The following TSGA10 variants were observed in gnomAD, a reference collection of about 807,000 sequenced individuals.
TSGA10 encodes the protein testis-specific gene 10 protein.
Under a neutral mutation model 96.6 loss-of-function variants are expected in TSGA10, and 43 were observed. The ratio of observed to expected loss-of-function variants is 0.44; its 90% CI spans 0.35 to 0.57. The LOEUF is 0.57. Ranked by LOEUF, TSGA10 falls within the 20% of genes least tolerant of loss-of-function variation. The pLI is 0.01. For missense variants in TSGA10, 703 were observed against 834.4 expected (o/e 0.84, Z 1.94); for synonymous variants, 229 against 269.9 (o/e 0.85, Z 1.48).
At chr2:99,007,111 G>A (rs1222068250) in intron 20 of TSGA10, among the ~76,000 whole-genome samples, 1 of 151,590 alleles carries the variant, frequency 6.6e-6, no homozygotes, top group Non-Finnish European at 1.5e-5. Flanking sequence ...TTGGACACAG[G>A]AAGGGGAGCA....
intron 16 of TSGA10, among the ~76,000 whole-genome samples, chr2:99,054,287 C>G (rs144960479): frequency 5.3e-5 from 8 of 152,212 alleles, no homozygotes; most frequent in African/African-American, 1.9e-4. Flanking sequence ...AGGACGATCT[C>G]TGCAAATGAT....
chr2:99,071,516 C>A (rs980442584), intron 14 of TSGA10, among the ~76,000 whole-genome samples, 190 bp downstream of exon 14: 1 of 151,864 alleles, frequency 6.6e-6, no homozygotes, highest in African/African-American at 2.4e-5. Context: ...TCTCTCTTTT[C>A]TTTAATATTT....
At chr2:99,042,748 G>A (rs1003269021) in intron 16 of TSGA10, among the ~76,000 whole-genome samples, 1 of 151,616 alleles carries the variant, frequency 6.6e-6, no homozygotes, top group Non-Finnish European at 1.5e-5. Context: ...TTGTGGCCCA[G>A]GCTGGAGTGT....
chr2:99,111,141 GTTAA>G (rs1444369908), intron 4 of TSGA10, among the ~76,000 whole-genome samples: 1 of 152,016 alleles, frequency 6.6e-6, no homozygotes, highest in Non-Finnish European at 1.5e-5. Context: ...TGTATAAAAT[GTTAA>G]TTGATTGTAT....
chr2:99,004,093 C>G (rs1244824832), intron 20 of TSGA10, among the ~76,000 whole-genome samples: 2 of 152,010 alleles, frequency 1.3e-5, no homozygotes, highest in Non-Finnish European at 2.9e-5. Flanking sequence ...CAAATAGATG[C>G]AATAAAAAAT....
chr2:99,062,488 C>CT (rs1219272632), intron 16 of TSGA10, among the ~76,000 whole-genome samples: 2 of 152,166 alleles, frequency 1.3e-5, no homozygotes, highest in African/African-American at 4.8e-5. Context: ...CTAATCCTAG[C>CT]ACTTTGGGAG....
chr2:99,028,932 T>C (rs1020049955), intron 17 of TSGA10, among the ~76,000 whole-genome samples: 4 of 152,196 alleles, frequency 2.6e-5, no homozygotes, highest in African/African-American at 9.7e-5. Flanking sequence ...GTAAAAAAAT[T>C]TTCCATGTTG....
At chr2:99,051,036 G>T (rs1436120676) in intron 16 of TSGA10, among the ~76,000 whole-genome samples, 1 of 152,148 alleles carries the variant, frequency 6.6e-6, no homozygotes, top group African/African-American at 2.4e-5. Context: ...TAGGTGTTAG[G>T]AGATTAAACC....
At chr2:99,046,455 C>A (rs1456691137) in intron 16 of TSGA10, among the ~76,000 whole-genome samples, 3 of 152,150 alleles carry the variant, frequency 2.0e-5, no homozygotes, top group Admixed American at 1.3e-4. Flanking sequence ...AACTGAACAA[C>A]CTGCTCCTGA....
intron 10 of TSGA10, among the ~76,000 whole-genome samples, chr2:99,100,803 G>C (rs1460973222): frequency 1.6e-5 from 2 of 123,994 alleles, no homozygotes; most frequent in Non-Finnish European, 3.2e-5. Flanking sequence ...CTGGGCAACA[G>C]AGCGAGACTC....
chr2:99,085,898 C>T (rs1163074066), intron 10 of TSGA10, among the ~76,000 whole-genome samples: 1 of 152,066 alleles, frequency 6.6e-6, no homozygotes, highest in Non-Finnish European at 1.5e-5. Context: ...CTTACCAAAG[C>T]TGACTTTGAG....
chr2:99,080,656 T>G (rs1005008468), intron 11 of TSGA10, among the ~76,000 whole-genome samples: 1 of 152,164 alleles, frequency 6.6e-6, no homozygotes, highest in Non-Finnish European at 1.5e-5. Context: ...ATCTACCTAG[T>G]TGGTTATACC....
At chr2:99,073,100 A>G in intron 12 of TSGA10, 27 bp from the exon 13 acceptor site, 1 of 1,389,446 alleles carries the variant, frequency 7.2e-7, no homozygotes, top group Non-Finnish European at 1.0e-6. Context: ...AGTATTAAAT[A>G]AAAAAATCTT....
At chr2:99,059,510 G>C (rs191210392) in intron 16 of TSGA10, among the ~76,000 whole-genome samples, 1 of 151,826 alleles carries the variant, frequency 6.6e-6, no homozygotes, top group African/African-American at 2.4e-5. Flanking sequence ...ATAGTGGCAG[G>C]CACCTGTAAT....
At chr2:99,113,257 T>A (rs556144939) in intron 4 of TSGA10, among the ~76,000 whole-genome samples, 3 of 152,162 alleles carry the variant, frequency 2.0e-5, no homozygotes, top group African/African-American at 7.2e-5. Context: ...TTATACTTAG[T>A]GACTCACTTT....
At chr2:99,052,002 CAGGTAAGTACCTATCTTTAAAA>C (rs1462630785) in intron 16 of TSGA10, among the ~76,000 whole-genome samples, 1 of 151,780 alleles carries the variant, frequency 6.6e-6, no homozygotes, top group Non-Finnish European at 1.5e-5. Flanking sequence ...AAAATTGATG[CAGGTAAGTACCTATCTTTAAAA>C]AGAAAAAAAA....
chr2:99,101,979 C>G (rs2090806704), intron 10 of TSGA10: 1 of 935,956 alleles, frequency 1.1e-6, no homozygotes, highest in Non-Finnish European at 1.7e-6. Flanking sequence ...ACTGTTCTTA[C>G]ATTTAACAAT....
chr2:99,143,305 CT>C lies in TSGA10; in HGVS notation c.-621+11387del, dbSNP rs11392712. On this transcript the variant is annotated intron_variant, in intron 1 of 20. Coordinates refer to ENST00000393483, the MANE Select transcript of TSGA10 (RefSeq NM_025244.4). ...TACAGGCGCCCACTACTACGCCCAG[CT>C]TTTTTTTTGTTTGTTTTTTGTTTTT... Among the ~76,000 whole-genome samples the C allele has an allele frequency of 5.8e-3, 861 of 149,506 alleles. 10 individuals carry two copies. The highest frequency in any genetic ancestry group is 0.02 in the African/African-American group (822 of 40,760).
At chr2:99,128,471 T>C (rs2092932821) in intron 1 of TSGA10, among the ~76,000 whole-genome samples, 1 of 152,234 alleles carries the variant, frequency 6.6e-6, no homozygotes, top group African/African-American at 2.4e-5. Flanking sequence ...AGAGCAGTAC[T>C]GTTCAATTTT....
Sources: allele counts gnomAD v4.1 joint callset (sites outside exome capture counted in the v4.1 genomes callset), GRCh38; gene constraint gnomAD v4.1.1; transcripts MANE v1.5; gene names NCBI Gene and HGNC (gene_info 2026-07-23, HGNC 2026-07-21).